The following RABGAP1L variants were observed in gnomAD, a reference collection of about 807,000 sequenced individuals.
RABGAP1L encodes RAB GTPase activating protein 1 like, also known as rab GTPase-activating protein 1-like.
A neutral mutation model predicts 137.7 loss-of-function variants in RABGAP1L; 63 were observed. That is an observed-to-expected ratio of 0.46 (90% CI 0.37 to 0.56). The LOEUF (loss-of-function observed/expected upper bound fraction) is 0.56. Ranked by LOEUF, RABGAP1L falls within the 20% of genes least tolerant of loss-of-function variation. The pLI, the probability that RABGAP1L is intolerant of heterozygous loss-of-function variation, is 0.00. For missense variants in RABGAP1L, 1,095 were observed against 1,244.0 expected, an observed-to-expected ratio of 0.88 and a Z score of 1.80; for synonymous variants, 431 against 433.7, an observed-to-expected ratio of 0.99 and a Z score of 0.08.
chr1:174,339,751 C>T (rs769582200), intron 11 of RABGAP1L, among the ~76,000 whole-genome samples: 9 of 151,952 alleles, frequency 5.9e-5, no homozygotes, highest in Non-Finnish European at 1.0e-4. Flanking sequence ...GGATTACAGA[C>T]GTGCACCACC....
intron 11 of RABGAP1L, among the ~76,000 whole-genome samples, chr1:174,357,916 T>C (rs1293696634): frequency 6.6e-6 from 1 of 152,224 alleles, no homozygotes; most frequent in Non-Finnish European, 1.5e-5. Flanking sequence ...ATAACATGTT[T>C]CACATATAGT....
intron 18 of RABGAP1L, among the ~76,000 whole-genome samples, chr1:174,804,090 T>C (rs1265173521): frequency 6.6e-6 from 1 of 151,948 alleles, no homozygotes; most frequent in Non-Finnish European, 1.5e-5. Flanking sequence ...TATGATACTC[T>C]TGCACTGAAT....
intron 13 of RABGAP1L, among the ~76,000 whole-genome samples, chr1:174,463,284 T>C (rs1364254274): frequency 2.0e-5 from 3 of 152,002 alleles, no homozygotes; most frequent in African/African-American, 7.3e-5. Flanking sequence ...AATGATAGAC[T>C]GGATTAAGAA....
intron 1 of RABGAP1L, among the ~76,000 whole-genome samples, chr1:174,171,457 A>G (rs1482235522): frequency 1.3e-5 from 2 of 152,198 alleles, no homozygotes; most frequent in African/African-American, 4.8e-5. Flanking sequence ...AAATTAACCT[A>G]TCCATCTCCT....
intron 13 of RABGAP1L, among the ~76,000 whole-genome samples, chr1:174,452,657 G>T (rs1447558604): frequency 6.6e-6 from 1 of 152,110 alleles, no homozygotes; most frequent in Non-Finnish European, 1.5e-5. Flanking sequence ...CACATCCTGG[G>T]TTCATGTCAT....
chr1:174,221,111 C>T lies in RABGAP1L; in HGVS notation c.278C>T (p.Ala93Val), dbSNP rs1381412788. The change falls in exon 3 of 26, where the codon GCC (alanine) becomes GTC (valine). Residue 93 changes from alanine (A) to valine (V), a missense_variant. Transcript: ENST00000681986. The part of the protein sequence containing the change: ...ISDHSFGDIP[A>V]SQTNKPSLQL... ...GACCATTCGTTTGGAGATATTCCAGCCAGCCAAACAAATAAGCCATCTCTT... is the reference window on the plus strand; with the variant it reads ...GACCATTCGTTTGGAGATATTCCAGTCAGCCAAACAAATAAGCCATCTCTT... 1.9e-6 allele frequency: 3 copies of T among 1,613,332 alleles called. No homozygotes were observed. Among genetic ancestry groups the T allele is most frequent in the South Asian group, 1.1e-5 (1 of 91,008 alleles).
chr1:174,614,374 T>C lies in RABGAP1L; in HGVS notation c.1711-23001T>C, dbSNP rs192747949. The stretch of plus-strand genomic sequence containing the variant: ...TGAAAATTCTTTTCTTTAAGAATGT[T>C]GAATATTGGCCCCCACTCTCTTCTG... On this transcript the variant is annotated intron_variant, in intron 13 of 25. Transcript: ENST00000681986. Among the ~76,000 whole-genome samples the C allele has an allele frequency of 1.4e-3, 220 of 152,358 alleles. 1 individual carries two copies. Among genetic ancestry groups the C allele is most frequent in the South Asian group, 4.3e-3 (21 of 4,828 alleles).
intron 10 of RABGAP1L, among the ~76,000 whole-genome samples, chr1:174,286,104 A>G (rs1018185876): frequency 6.6e-6 from 1 of 152,166 alleles, no homozygotes; most frequent in Non-Finnish European, 1.5e-5. Flanking sequence ...TGAGTTTGCA[A>G]GTATTTCCTC....
intron 13 of RABGAP1L, among the ~76,000 whole-genome samples, chr1:174,619,792 T>A (rs4290116): frequency 0.15 from 22,910 of 151,358 alleles, 5,639 homozygotes; most frequent in African/African-American, 0.53. Context: ...GATAACAATA[T>A]TAACTTTACA....
chr1:174,632,458 A>T (rs2148318747), intron 13 of RABGAP1L, among the ~76,000 whole-genome samples: 1 of 149,340 alleles, frequency 6.7e-6, no homozygotes, highest in East Asian at 2.0e-4. Flanking sequence ...AGATTGGGGA[A>T]GTTCTCCTGG....
intron 13 of RABGAP1L, among the ~76,000 whole-genome samples, chr1:174,589,857 A>G (rs1351038299): frequency 6.6e-6 from 1 of 152,066 alleles, no homozygotes; most frequent in African/African-American, 2.4e-5. Flanking sequence ...TTTTGGTTGC[A>G]GTAGCTCTGT....
chr1:174,758,166 T>C (rs1188618735), intron 18 of RABGAP1L, among the ~76,000 whole-genome samples: 3 of 152,216 alleles, frequency 2.0e-5, no homozygotes, highest in Non-Finnish European at 4.4e-5. Context: ...AACAGCATAA[T>C]GACATACACA....
chr1:174,521,296 G>A (rs1663365051), intron 13 of RABGAP1L, among the ~76,000 whole-genome samples: 1 of 152,126 alleles, frequency 6.6e-6, no homozygotes, highest in Admixed American at 6.6e-5. Flanking sequence ...GGTAAAATCT[G>A]TCATGTGAGT....
chr1:174,829,270 TA>T (rs1173853086), intron 19 of RABGAP1L, among the ~76,000 whole-genome samples: 1 of 148,430 alleles, frequency 6.7e-6, no homozygotes, highest in Non-Finnish European at 1.5e-5. Context: ...CTTCTGGTAA[TA>T]AACAGGAAAA....
intron 13 of RABGAP1L, chr1:174,548,215 G>A: frequency 7.0e-7 from 1 of 1,425,862 alleles, no homozygotes; most frequent in Admixed American, 2.9e-5. Flanking sequence ...TTAAGAGAAA[G>A]CATAATCTAC....
chr1:174,383,290 G>A (rs1165578296), intron 12 of RABGAP1L, among the ~76,000 whole-genome samples: 3 of 151,558 alleles, frequency 2.0e-5, no homozygotes, highest in African/African-American at 7.3e-5. Context: ...GAGGCAGGCA[G>A]GCCTCCTTGA....
intron 13 of RABGAP1L, among the ~76,000 whole-genome samples, chr1:174,618,161 G>C (rs1449235555): frequency 1.3e-5 from 2 of 152,172 alleles, no homozygotes; most frequent in Admixed American, 1.3e-4. Flanking sequence ...GAACTGAGTG[G>C]AGCCCACCGC....
intron 4 of RABGAP1L, among the ~76,000 whole-genome samples, chr1:174,231,907 A>G (rs1157470462): frequency 2.6e-5 from 4 of 152,218 alleles, no homozygotes; most frequent in African/African-American, 9.7e-5. Context: ...CCCACCTCCA[A>G]CATTGGAGAT....
At chr1:174,661,261 T>G (rs917114418) in intron 14 of RABGAP1L, among the ~76,000 whole-genome samples, 2 of 152,316 alleles carry the variant, frequency 1.3e-5, no homozygotes, top group African/African-American at 4.8e-5. Flanking sequence ...CATAACCATA[T>G]TGATTTTATA....
Sources: gnomAD v4.1 joint callset for allele counts (sites outside exome capture counted in the v4.1 genomes callset) on GRCh38, gnomAD v4.1.1 for gene constraint, MANE v1.5 for transcripts, NCBI Gene and HGNC (gene_info 2026-07-23, HGNC 2026-07-21) for gene names.